The following PPP2R2B variants were observed in gnomAD, a reference collection of about 807,000 sequenced individuals.
PPP2R2B encodes protein phosphatase 2 regulatory subunit Bbeta.
Under a neutral mutation model 46.0 loss-of-function variants are expected in PPP2R2B, and 5 were observed. The observed-to-expected ratio is 0.11, with a 90% CI of 0.06 to 0.23. The LOEUF (loss-of-function observed/expected upper bound fraction) is 0.23. PPP2R2B is among the 10% of genes least tolerant of loss of function. The probability of loss-of-function intolerance (pLI) is 1.00; values close to 1 mark genes in which losing one functional copy is unlikely to be tolerated. For synonymous variants in PPP2R2B, 215 were observed against 206.7 expected (o/e 1.04, Z -0.34); for missense variants, 367 against 575.0 (o/e 0.64, Z 3.70).
At chr5:146,616,020 G>A (rs1773135406) in intron 7 of PPP2R2B, among the ~76,000 whole-genome samples, 1 of 152,048 alleles carries the variant, frequency 6.6e-6, no homozygotes, top group Admixed American at 6.6e-5. Context: ...AAACAGCATG[G>A]TACTGGCATA....
At chr5:146,989,843 A>G (rs1753608054) in intron 1 of PPP2R2B, among the ~76,000 whole-genome samples, 1 of 152,044 alleles carries the variant, frequency 6.6e-6, no homozygotes, top group African/African-American at 2.4e-5. Context: ...ATATACATAG[A>G]AAATCCTAAA....
intron 8 of PPP2R2B, among the ~76,000 whole-genome samples, chr5:146,599,394 T>C (rs1245365604): frequency 3.3e-5 from 5 of 152,196 alleles, no homozygotes; most frequent in Admixed American, 3.3e-4. Flanking sequence ...ATCTAAATTG[T>C]CTGTTTGGCA....
intron 2 of PPP2R2B, among the ~76,000 whole-genome samples, chr5:146,840,502 T>A (rs1413394783): frequency 1.3e-5 from 2 of 152,218 alleles, no homozygotes; most frequent in Non-Finnish European, 2.9e-5. Flanking sequence ...TGAGTCAAAC[T>A]GTGATTTAAA....
At chr5:147,077,089 T>G (rs1757792258) in intron 2 of PPP2R2B, among the ~76,000 whole-genome samples, 1 of 147,906 alleles carries the variant, frequency 6.8e-6, no homozygotes, top group African/African-American at 2.5e-5. Flanking sequence ...ACATATGTAT[T>G]ATATATGTAT....
intron 7 of PPP2R2B, among the ~76,000 whole-genome samples, chr5:146,615,722 A>G (rs895692887): frequency 6.6e-6 from 1 of 152,052 alleles, no homozygotes; most frequent in South Asian, 2.1e-4. Flanking sequence ...AAATTAAAAA[A>G]CACTGATGAA....
intron 1 of PPP2R2B, among the ~76,000 whole-genome samples, chr5:146,994,046 T>TA (rs1275197179): frequency 6.6e-6 from 1 of 152,130 alleles, no homozygotes; most frequent in Non-Finnish European, 1.5e-5. Flanking sequence ...TGTGGCTTCT[T>TA]AAGGTCAAGG....
chr5:146,970,782 G>A (rs1405474028), intron 1 of PPP2R2B, among the ~76,000 whole-genome samples: 2 of 152,118 alleles, frequency 1.3e-5, no homozygotes, highest in African/African-American at 4.8e-5. Context: ...TTAGGTAATT[G>A]AGGAGTTGCC....
chr5:146,684,591 G>A (rs1778373978), intron 5 of PPP2R2B, among the ~76,000 whole-genome samples: 1 of 152,188 alleles, frequency 6.6e-6, no homozygotes, highest in Admixed American at 6.5e-5. Context: ...TGCACATCCT[G>A]TATGCCTCAA....
At chr5:146,890,554 C>T (rs1431858630) in intron 1 of PPP2R2B, among the ~76,000 whole-genome samples, 1 of 152,064 alleles carries the variant, frequency 6.6e-6, no homozygotes, top group Non-Finnish European at 1.5e-5. Flanking sequence ...TCAATCTGGC[C>T]ATTACTGTAC....
In PPP2R2B at chr5:146,586,306, T is replaced by C. The variant is rs944036817; in HGVS notation, c.*3641A>G. 3 of 152,200 alleles carry C rather than the reference T, an allele frequency of 2.0e-5. No homozygotes were observed. The highest frequency in any genetic ancestry group is 7.2e-5 in the African/African-American group (3 of 41,426). The allele number at this position is 152,200 out of a possible 1,614,324, so 9.4% of individuals were successfully genotyped here. A position where few individuals can be genotyped will look rare whatever the true frequency, so the allele number is the denominator to read the frequency against. ...GGGAAAATTAGTAAGGGTTCCACCA[T>C]TCAGGCTGTGGACTATAGTGTCATC... On this transcript the variant is annotated 3_prime_UTR_variant, in exon 10 of 10. Transcript: ENST00000394411.
intron 1 of PPP2R2B, among the ~76,000 whole-genome samples, chr5:146,993,536 C>T (rs1281807663): frequency 6.6e-6 from 1 of 152,182 alleles, no homozygotes; most frequent in Non-Finnish European, 1.5e-5. Context: ...GCCACTGCAC[C>T]CAGCTGGTGA....
chr5:146,914,901 T>C (rs1327991005), intron 1 of PPP2R2B, among the ~76,000 whole-genome samples: 1 of 152,158 alleles, frequency 6.6e-6, no homozygotes, highest in Non-Finnish European at 1.5e-5. Flanking sequence ...CCCCTACTAG[T>C]CCTCCACTTT....
intron 1 of PPP2R2B, among the ~76,000 whole-genome samples, chr5:146,935,336 C>T (rs1320559873): frequency 6.6e-6 from 1 of 152,182 alleles, no homozygotes; most frequent in Non-Finnish European, 1.5e-5. Flanking sequence ...CACCAGACTC[C>T]AAGTTTACCA....
At chr5:146,802,526 G>A (rs1365502619) in intron 2 of PPP2R2B, among the ~76,000 whole-genome samples, 1 of 152,186 alleles carries the variant, frequency 6.6e-6, no homozygotes, top group Non-Finnish European at 1.5e-5. Context: ...GGAGCATAAT[G>A]AGTTATGTGA....
chr5:146,706,322 C>T, intron 2 of PPP2R2B: 3 of 558,102 alleles, frequency 5.4e-6, no homozygotes, highest in Non-Finnish European at 3.3e-6. Context: ...TGCGCCAGAG[C>T]GAGAGCTGGA....
chr5:146,788,192 G>A lies in PPP2R2B; in HGVS notation c.71-87050C>T, dbSNP rs160973. The stretch of plus-strand genomic sequence containing the variant: ...CTTCTACTGAGTCTAGCTATATTTT[G>A]TCTTGGAGGAGGAAGAAAAATAAAT... On this transcript the variant is annotated intron_variant, in intron 2 of 9. Coordinates refer to ENST00000394411, the MANE Select transcript of PPP2R2B (RefSeq NM_181675.4). Among the ~76,000 whole-genome samples, 418 of 152,150 alleles carry A rather than the reference G, an allele frequency of 2.7e-3. 2 individuals carry two copies. Among genetic ancestry groups the A allele is most frequent in the Non-Finnish European group, 5.0e-3 (341 of 67,994 alleles).
chr5:146,725,259 T>C (rs895741857), intron 2 of PPP2R2B, among the ~76,000 whole-genome samples: 13 of 152,328 alleles, frequency 8.5e-5, no homozygotes, highest in African/African-American at 2.6e-4. Flanking sequence ...ATGCTTCTTA[T>C]TGCTTTCATG....
chr5:146,741,637 C>A (rs1752884295), intron 2 of PPP2R2B, among the ~76,000 whole-genome samples: 1 of 152,194 alleles, frequency 6.6e-6, no homozygotes, highest in South Asian at 2.1e-4. Flanking sequence ...CTCCGAGAAT[C>A]ATGCCATCTC....
exon 1 of PPP2R2B, chr5:147,055,752 T>C: frequency 6.2e-7 from 1 of 1,605,402 alleles, no homozygotes; most frequent in Non-Finnish European, 8.5e-7. Context: ...ATCTTCCAAA[T>C]AAAAAATAAA....
Sources: allele counts gnomAD v4.1 joint callset (sites outside exome capture counted in the v4.1 genomes callset), GRCh38; gene constraint gnomAD v4.1.1; transcripts MANE v1.5; gene names NCBI Gene and HGNC (gene_info 2026-07-23, HGNC 2026-07-21).